Variants in UFSP2 observed in about 807,000 individuals in gnomAD.
The protein encoded by UFSP2 is UFM1 specific peptidase 2, also known as ufm1-specific protease 2.
Under a neutral mutation model 60.2 loss-of-function variants are expected in UFSP2, and 43 were observed. That is an observed-to-expected ratio of 0.71 (90% CI 0.56 to 0.92). The LOEUF (loss-of-function observed/expected upper bound fraction) is 0.92, where lower values mean the gene tolerates loss of function less well. Ranked by LOEUF, UFSP2 falls within the 40% of genes least tolerant of loss-of-function variation. UFSP2 has a pLI of 0.00. For missense variants in UFSP2, 520 were observed against 575.0 expected, an observed-to-expected ratio of 0.90 and a Z score of 0.98; for synonymous variants, 183 against 195.1, an observed-to-expected ratio of 0.94 and a Z score of 0.52.
intron 4 of UFSP2, among the ~76,000 whole-genome samples, chr4:185,418,230 TA>T (rs765631662): frequency 3.3e-5 from 5 of 152,128 alleles, no homozygotes; most frequent in African/African-American, 1.2e-4. Flanking sequence ...GAAAGCATTA[TA>T]AAAAAACCCT....
Position 185,407,965 on chromosome 4 carries a change from G to C in UFSP2, c.1092C>G (p.Ile364Met). Residue 364 changes from isoleucine to methionine, a missense_variant, in exon 9 of 12, where the codon ATC (isoleucine) becomes ATG (methionine). Physicochemically the swap from Ile to Met is conservative, Grantham distance 10. Transcript: ENST00000264689. ...CAAACAGGATTTTTGACGTTATACCGATCAATTGGTTTAGTACCAGCTGCA... is the reference window on the plus strand; with the variant it reads ...CAAACAGGATTTTTGACGTTATACCCATCAATTGGTTTAGTACCAGCTGCA... ...IEVQLVLNQL[I>M]GITSKILFVS... The C allele has an allele frequency of 3.1e-6, 5 of 1,614,010 alleles. No homozygotes were observed. The highest frequency in any genetic ancestry group is 4.2e-6 in the Non-Finnish European group (5 of 1,180,004).
At chr4:185,413,375 G>A (rs1297947464) in intron 7 of UFSP2, among the ~76,000 whole-genome samples, 11 of 152,076 alleles carry the variant, frequency 7.2e-5, no homozygotes, top group South Asian at 2.1e-4. Flanking sequence ...GTGACAGAGC[G>A]AGACTCTGTC....
intron 1 of UFSP2, among the ~76,000 whole-genome samples, chr4:185,425,599 A>G (rs899257757): frequency 6.6e-6 from 1 of 152,242 alleles, no homozygotes; most frequent in Admixed American, 6.5e-5. Context: ...AAAACGCCGA[A>G]GTCTCTCAAA....
In UFSP2 at chr4:185,415,824, G is replaced by A; in HGVS notation, c.377C>T (p.Ser126Phe). The A allele has an allele frequency of 1.2e-6, 2 of 1,613,706 alleles. No individual in the cohort carries two copies. The highest frequency in any genetic ancestry group is 1.7e-6 in the Non-Finnish European group (2 of 1,179,722). Residue 126 changes from serine to phenylalanine, a missense_variant, in exon 5 of 12, where the codon TCC (serine) becomes TTC (phenylalanine). Transcript: ENST00000264689. ...AATGATGGGCGTTACAGCTGCCAGG[G>A]AGGTTGACATTTCCAGCATAAGATC... ...NIDLMLEMST[S>F]LAAVTPIIER...
In UFSP2 at chr4:185,408,015, G is replaced by A. The variant is rs373862778; in HGVS notation, c.1042C>T (p.Arg348Trp). Residue 348 changes from arginine to tryptophan, a missense_variant, in exon 9 of 12, where the codon CGG becomes TGG. By Grantham distance (101) the Arg-to-Trp change is moderately radical. Coordinates refer to ENST00000264689, the MANE Select transcript of UFSP2 (RefSeq NM_018359.5). ...GDKPATFVGS[R>W]QWIGSIEVQL... ...ACCTCAATAGATCCAATCCATTGCC[G>A]CGATCCGACAAATGTTGCTGGTTTG... 2.1e-5 allele frequency: 34 copies of A among 1,613,882 alleles called. No individual in the cohort carries two copies. Among genetic ancestry groups the A allele is most frequent in the South Asian group, 1.2e-4 (11 of 91,076 alleles).
At position 185,400,281 on chromosome 4, in the gene UFSP2, C is replaced by G; in HGVS notation, c.*111G>C. On this transcript the variant is annotated 3_prime_UTR_variant, in exon 12 of 12. Transcript: ENST00000264689. ...AGTATTTACAACCTTTGAAAAAGGT[C>G]ATAATTTAAATCGTCAAACTAGAAC... 1 of 924,154 alleles carries G rather than the reference C, an allele frequency of 1.1e-6. No individual in the cohort carries two copies. The highest frequency in any genetic ancestry group is 1.6e-6 in the Non-Finnish European group (1 of 611,830). The allele number at this position is 924,154 out of a possible 1,614,324, so 57.2% of individuals were successfully genotyped here. A position where few individuals can be genotyped will look rare whatever the true frequency, so the allele number is the denominator to read the frequency against.
In UFSP2 at chr4:185,407,961, T is replaced by C. The variant is rs771016258; in HGVS notation, c.1096A>G (p.Ile366Val). The change falls in exon 9 of 12, where the codon ATA (isoleucine) becomes GTA (valine). Residue 366 changes from isoleucine to valine, a missense_variant. Physicochemically the swap from Ile to Val is conservative, Grantham distance 29. Coordinates refer to ENST00000264689, the MANE Select transcript of UFSP2 (RefSeq NM_018359.5). ...VQLVLNQLIG[I>V]TSKILFVSQG... ...CTGACAAACAGGATTTTTGACGTTA[T>C]ACCGATCAATTGGTTTAGTACCAGC... is the stretch of plus-strand genomic sequence containing the variant. The C allele has an allele frequency of 1.9e-6, 3 of 1,614,200 alleles. No homozygotes were observed. Among genetic ancestry groups the C allele is most frequent in the South Asian group, 1.1e-5 (1 of 91,076 alleles).
In UFSP2 at chr4:185,399,711, C is replaced by T. The variant is rs369079595; in HGVS notation, c.*681G>A. ...ACCCTGACAGGAATGATTGTGTTGC[C>T]GTGCTCAGACAGAAACGGAGTCTCG... is the stretch of plus-strand genomic sequence containing the variant. On this transcript the variant is annotated 3_prime_UTR_variant, in exon 12 of 12. Transcript: ENST00000264689. 37 of 1,614,064 alleles carry T rather than the reference C, an allele frequency of 2.3e-5. No individual in the cohort carries two copies. In the East Asian group the frequency reaches 5.1e-4, roughly 22 times the overall value.
chr4:185,400,439 C>G lies in UFSP2; in HGVS notation c.1363G>C (p.Asp455His), dbSNP rs372836791. ...GWKGPDFWNK[D>H]AYYNLCLPQR... is the part of the protein sequence containing the mutation. ...GGAAGACATAAGTTATAGTATGCAT[C>G]CTTGTTCCAAAAATCTGGGCCCTTC... is the stretch of plus-strand genomic sequence containing the variant. The change falls in exon 12 of 12, where the codon GAT becomes CAT. Residue 455 changes from aspartate (D) to histidine (H), a missense_variant. By Grantham distance (81) the Asp-to-His change is moderately conservative (BLOSUM62 -1). Coordinates refer to ENST00000264689, the MANE Select transcript of UFSP2 (RefSeq NM_018359.5). 1 of 1,613,950 alleles carries G rather than the reference C, an allele frequency of 6.2e-7. No individual in the cohort carries two copies. The highest frequency in any genetic ancestry group is 1.6e-4 in the Middle Eastern group (1 of 6,062).
chr4:185,413,554 A>G (rs1158527177), intron 7 of UFSP2, among the ~76,000 whole-genome samples, 172 bp downstream of exon 7: 2 of 152,248 alleles, frequency 1.3e-5, no homozygotes, highest in African/African-American at 4.8e-5. Flanking sequence ...TAACTTTTCT[A>G]GACCATTTTT....
Position 185,400,341 on chromosome 4 carries a change from A to T in UFSP2, c.*51T>A. ...ATGTGAAAAATTAAACTGATTCTTT[A>T]TTCACAAATTTATAATACCACTCTA... On this transcript the variant is annotated 3_prime_UTR_variant, in exon 12 of 12. Transcript: ENST00000264689. The T allele has an allele frequency of 2.2e-6, 3 of 1,380,392 alleles. No homozygotes were observed. The highest frequency in any genetic ancestry group is 2.5e-5 in the South Asian group (2 of 80,660). 85.5% of individuals were successfully genotyped at this position (1,380,392 alleles called of 1,614,324 possible).
intron 10 of UFSP2, 152 bp downstream of exon 10, chr4:185,405,628 T>G: frequency 1.3e-6 from 1 of 763,688 alleles, no homozygotes; most frequent in Non-Finnish European, 2.0e-6. Context: ...CCTTAGAAAT[T>G]TTTTTCAATA....
chr4:185,403,828 A>T (rs1015135003), intron 10 of UFSP2, among the ~76,000 whole-genome samples: 1 of 151,750 alleles, frequency 6.6e-6, no homozygotes, highest in Middle Eastern at 3.2e-3. Flanking sequence ...TACAAAAAAA[A>T]TAGCTGGGCT....
Position 185,415,321 on chromosome 4 carries a change from A to AT in UFSP2, c.517dup (p.Ile173AsnfsTer3). Reference sequence around the variant, plus strand: ...TTCCATGTCAGTTAGTTGATTATGAATTGCATCAACCAGGAGTTTACGAAC... The same window carrying AT: ...TTCCATGTCAGTTAGTTGATTATGAATTTGCATCAACCAGGAGTTTACGAAC... On this transcript the variant is annotated frameshift_variant, in exon 6 of 12. Transcript: ENST00000264689. LOFTEE classifies it high-confidence loss of function. The AT allele has an allele frequency of 6.3e-7, 1 of 1,594,794 alleles. No individual in the cohort carries two copies. Among genetic ancestry groups the AT allele is most frequent in the Non-Finnish European group, 8.5e-7 (1 of 1,175,702 alleles).
chr4:185,413,196 T>A (rs2095532541), intron 7 of UFSP2, among the ~76,000 whole-genome samples: 1 of 152,150 alleles, frequency 6.6e-6, no homozygotes, highest in South Asian at 2.1e-4. Context: ...CCCTAGCTAC[T>A]GGCCAACATG....
At chr4:185,422,447 C>G (rs371080988) in intron 2 of UFSP2, 38 bp downstream of exon 2, 20 of 1,463,278 alleles carry the variant, frequency 1.4e-5, no homozygotes, top group Admixed American at 1.9e-5. Flanking sequence ...ATTTCACTAT[C>G]AATTTTCTAA....
intron 1 of UFSP2, among the ~76,000 whole-genome samples, chr4:185,424,888 G>C (rs907667257): frequency 5.9e-5 from 9 of 152,200 alleles, no homozygotes; most frequent in African/African-American, 2.2e-4. Context: ...ATTCATAAAA[G>C]CACTAGTCTT....
chr4:185,421,818 G>T (rs566846898), intron 2 of UFSP2, among the ~76,000 whole-genome samples: 6 of 152,308 alleles, frequency 3.9e-5, no homozygotes, highest in Admixed American at 1.3e-4. Context: ...CATTTATAAT[G>T]AGGGTGTTAA....
Position 185,415,579 on chromosome 4 carries a change from A to C in UFSP2, c.491+131T>G, listed in dbSNP as rs1333900282. The C allele has an allele frequency of 4.5e-6, 4 of 882,646 alleles. No homozygotes were observed. In the African/African-American group the frequency reaches 6.9e-5, roughly 15 times the overall value. 54.7% of individuals were successfully genotyped at this position (882,646 alleles called of 1,614,324 possible). On this transcript the variant is annotated intron_variant, in intron 5 of 11. Coordinates refer to ENST00000264689, the MANE Select transcript of UFSP2 (RefSeq NM_018359.5). Reference sequence around the variant, plus strand: ...ACTTCCTCCAAATAACCATTTAATTAATAGATGGCTCTTAGGTTAATAATA... The same window carrying C: ...ACTTCCTCCAAATAACCATTTAATTCATAGATGGCTCTTAGGTTAATAATA...
Sources: gnomAD v4.1 joint callset for allele counts (sites outside exome capture counted in the v4.1 genomes callset) on GRCh38, gnomAD v4.1.1 for gene constraint, MANE v1.5 for transcripts, NCBI Gene and HGNC (gene_info 2026-07-23, HGNC 2026-07-21) for gene names.